Variants in CALCR observed in about 807,000 individuals in gnomAD.
CALCR encodes calcitonin receptor.
A neutral mutation model predicts 59.5 loss-of-function variants in CALCR; 47 were observed. The ratio of observed to expected loss-of-function variants is 0.79; its 90% CI spans 0.63 to 1.01. The LOEUF is 1.01. Among genes scored for constraint, CALCR ranks in the 50% least tolerant of loss-of-function variants. The pLI is 0.00. For missense variants in CALCR, 566 were observed against 597.1 expected, an observed-to-expected ratio of 0.95 and a Z score of 0.54; for synonymous variants, 213 against 211.3, an observed-to-expected ratio of 1.01 and a Z score of -0.07.
intron 2 of CALCR, among the ~76,000 whole-genome samples, chr7:93,552,219 C>T (rs1023671711): frequency 6.6e-6 from 1 of 152,092 alleles, no homozygotes; most frequent in Non-Finnish European, 1.5e-5. Flanking sequence ...AATGTATTAC[C>T]TAACTTAGAA....
At chr7:93,500,498 C>T (rs1200567565) in intron 2 of CALCR, among the ~76,000 whole-genome samples, 3 of 151,954 alleles carry the variant, frequency 2.0e-5, no homozygotes, top group Admixed American at 6.6e-5. Flanking sequence ...CCCTGTTGTA[C>T]CAATACTTAC....
At chr7:93,461,868 T>A (rs897976158) in intron 7 of CALCR, among the ~76,000 whole-genome samples, 1 of 152,176 alleles carries the variant, frequency 6.6e-6, no homozygotes, top group Non-Finnish European at 1.5e-5. Context: ...ATGAAAATCT[T>A]ATATTTATCA....
intron 2 of CALCR, among the ~76,000 whole-genome samples, chr7:93,506,673 G>A (rs1043917210): frequency 1.3e-5 from 2 of 150,960 alleles, no homozygotes; most frequent in Non-Finnish European, 2.9e-5. Context: ...GCTTCACTTG[G>A]TGGTTGTGGG....
chr7:93,497,982 A>G (rs1268819858), intron 2 of CALCR, among the ~76,000 whole-genome samples: 2 of 151,706 alleles, frequency 1.3e-5, no homozygotes, highest in African/African-American at 4.8e-5. Flanking sequence ...CCAAGATGCT[A>G]GCCTAACCCT....
chr7:93,541,848 G>A (rs927522636), intron 2 of CALCR, among the ~76,000 whole-genome samples: 2 of 152,150 alleles, frequency 1.3e-5, no homozygotes, highest in African/African-American at 4.8e-5. Context: ...AATCCCTACA[G>A]TCTGCTATAG....
In CALCR at chr7:93,472,391, G is replaced by A. The variant is rs747347985; in HGVS notation, c.413C>T (p.Thr138Ile). The stretch of plus-strand genomic sequence containing the variant: ...AGAACCTACCTTCAGTTTCTCAGGA[G>A]TGAAAGCATTGCACATAGTATAGTT... ...WSNYTMCNAF[T>I]PEKLKNAYVL... The change falls in exon 6 of 14, where the codon ACT becomes ATT. Residue 138 changes from threonine (T) to isoleucine (I), a missense_variant. Physicochemically the swap from Thr to Ile is moderately conservative, Grantham distance 89. Coordinates refer to ENST00000426151, the MANE Select transcript of CALCR (RefSeq NM_001742.4). 1 of 1,600,520 alleles carries A rather than the reference G, an allele frequency of 6.2e-7. No individual in the cohort carries two copies. Among genetic ancestry groups the A allele is most frequent in the Non-Finnish European group, 8.5e-7 (1 of 1,169,672 alleles).
chr7:93,495,821 A>C, intron 2 of CALCR: 2 of 1,206,944 alleles, frequency 1.7e-6, no homozygotes, highest in Non-Finnish European at 2.3e-6. Flanking sequence ...AGAACATGCA[A>C]ATGAAGAAAC....
intron 2 of CALCR, among the ~76,000 whole-genome samples, chr7:93,539,441 A>G (rs1169764215): frequency 6.6e-6 from 1 of 151,956 alleles, no homozygotes; most frequent in Non-Finnish European, 1.5e-5. Context: ...GTGTTCTAGT[A>G]ATACTGAGAA....
chr7:93,441,558 G>GA (rs3068357), intron 9 of CALCR: 661 of 418,180 alleles, frequency 1.6e-3, no homozygotes, highest in South Asian at 2.1e-3. Context: ...GGCTAAAAGA[G>GA]AAAAAAAAAA....
At chr7:93,500,843 C>T (rs538796818) in intron 2 of CALCR, among the ~76,000 whole-genome samples, 2 of 152,064 alleles carry the variant, frequency 1.3e-5, no homozygotes, top group East Asian at 1.9e-4. Flanking sequence ...AAAAGACAAG[C>T]TTGCTCCTGC....
chr7:93,498,248 C>A (rs1801251504), intron 2 of CALCR, among the ~76,000 whole-genome samples: 1 of 151,656 alleles, frequency 6.6e-6, no homozygotes, highest in Admixed American at 6.6e-5. Context: ...CAAGACTCAA[C>A]ACAAAGCCTT....
intron 2 of CALCR, among the ~76,000 whole-genome samples, chr7:93,568,304 G>A (rs1049886330): frequency 3.3e-5 from 5 of 152,112 alleles, no homozygotes; most frequent in South Asian, 2.1e-4. Flanking sequence ...TAAGGCAGGC[G>A]TCTCAAACTG....
At chr7:93,528,822 G>A (rs769732388) in intron 2 of CALCR, among the ~76,000 whole-genome samples, 1 of 151,978 alleles carries the variant, frequency 6.6e-6, no homozygotes, top group Non-Finnish European at 1.5e-5. Flanking sequence ...CCTGATTAAG[G>A]CTTCTGATGT....
chr7:93,496,231 G>C (rs1801199962), intron 2 of CALCR, among the ~76,000 whole-genome samples: 1 of 151,346 alleles, frequency 6.6e-6, no homozygotes, highest in Non-Finnish European at 1.5e-5. Context: ...AATAAGTTTA[G>C]GAAATTAAGT....
chr7:93,486,319 G>A (rs899778498), intron 3 of CALCR, among the ~76,000 whole-genome samples: 6 of 151,514 alleles, frequency 4.0e-5, no homozygotes, highest in Non-Finnish European at 5.9e-5. Flanking sequence ...TTATATTTCC[G>A]ATTACTTGCT....
intron 2 of CALCR, among the ~76,000 whole-genome samples, chr7:93,561,236 G>C (rs1212990539): frequency 6.6e-6 from 1 of 152,078 alleles, no homozygotes; most frequent in Non-Finnish European, 1.5e-5. Context: ...AAGTTTAAGT[G>C]TTTTGTATCT....
chr7:93,516,225 A>G (rs1801647439), intron 2 of CALCR, among the ~76,000 whole-genome samples: 1 of 151,940 alleles, frequency 6.6e-6, no homozygotes, highest in East Asian at 1.9e-4. Flanking sequence ...ATAATCCCAA[A>G]CTTATAAGCA....
intron 9 of CALCR, among the ~76,000 whole-genome samples, chr7:93,442,812 G>A (rs116640222): frequency 6.6e-6 from 1 of 152,316 alleles, no homozygotes; most frequent in African/African-American, 2.4e-5. Context: ...CCTCTGGTAT[G>A]GAAGTTTCAA....
intron 2 of CALCR, among the ~76,000 whole-genome samples, chr7:93,558,130 T>C (rs989954573): frequency 7.4e-6 from 1 of 134,702 alleles, no homozygotes. Flanking sequence ...TTTAACACCT[T>C]TTTTTTTTTT....
Sources: gnomAD v4.1 joint callset for allele counts (sites outside exome capture counted in the v4.1 genomes callset) on GRCh38, gnomAD v4.1.1 for gene constraint, MANE v1.5 for transcripts, NCBI Gene and HGNC (gene_info 2026-07-23, HGNC 2026-07-21) for gene names.